The following GFI1 variants were observed in gnomAD, a reference collection of about 807,000 sequenced individuals.
The protein encoded by GFI1 is growth factor independent 1 transcriptional repressor.
GFI1 carries 15 observed loss-of-function variants against 39.2 expected under a neutral mutation model. The observed-to-expected ratio is 0.38, with a 90% CI of 0.26 to 0.59. The LOEUF (loss-of-function observed/expected upper bound fraction) is 0.59. GFI1 is among the 20% of genes least tolerant of loss of function. The pLI is 0.62. For synonymous variants in GFI1, 239 were observed against 254.3 expected, an observed-to-expected ratio of 0.94 and a Z score of 0.57; for missense variants, 475 against 574.0, an observed-to-expected ratio of 0.83 and a Z score of 1.76.
Position 92,482,722 on chromosome 1 carries a change from T to C in GFI1, c.298+142A>G. 1.4e-6 allele frequency: 1 copy of C among 720,130 alleles called. No homozygotes were observed. Among genetic ancestry groups the C allele is most frequent in the Non-Finnish European group, 2.5e-6 (1 of 406,150 alleles). The allele number at this position is 720,130 out of a possible 1,614,324, so 44.6% of individuals were successfully genotyped here. On this transcript the variant is annotated intron_variant, in intron 3 of 6. Coordinates refer to ENST00000294702, the MANE Select transcript of GFI1 (RefSeq NM_005263.5). This position sits in a 1 kb window ranked among gnomAD's most constrained non-coding sequence, Gnocchi z 4.4. ...GTCCCAGAGAAGCCGGATGCCTCCT[T>C]CCCCTACGAATCAGCTCCCTTCTCC...
rs377054700 is a variant in GFI1 at position 92,481,140 on chromosome 1, G to T, written c.299-52C>A. 1.5e-5 allele frequency: 22 copies of T among 1,505,286 alleles called. No individual in the cohort carries two copies. In the African/African-American group the frequency reaches 2.9e-4, roughly 20 times the overall value. 93.2% of individuals were successfully genotyped at this position (1,505,286 alleles called of 1,614,324 possible). ...GTCAGGCTTCAGACGGCAGAGCGGA[G>T]GCCGCCGGGCTGCGGCTGCGAGCGT... On this transcript the variant is annotated intron_variant, in intron 3 of 6. Transcript: ENST00000294702. This position sits in a 1 kb window ranked among gnomAD's most constrained non-coding sequence, Gnocchi z 4.3.
Position 92,481,424 on chromosome 1 carries a change from G to C in GFI1, c.299-336C>G, listed in dbSNP as rs1013064818. ...ACCTGGAGATCCTACAGGGAAGGGC[G>C]CATCTATAAATGCCCGTAGTTGAGC... On this transcript the variant is annotated intron_variant, in intron 3 of 6. Coordinates refer to ENST00000294702, the MANE Select transcript of GFI1 (RefSeq NM_005263.5). This position sits in a 1 kb window ranked among gnomAD's most constrained non-coding sequence, Gnocchi z 4.3. Among the ~76,000 whole-genome samples the C allele has an allele frequency of 2.0e-5, 3 of 152,224 alleles. No homozygotes were observed. The highest frequency in any genetic ancestry group is 4.4e-5 in the Non-Finnish European group (3 of 68,032).
chr1:92,478,610 C>T lies in GFI1; in HGVS notation c.1068G>A (p.Lys356=). The change falls in exon 6 of 7, where the codon AAG becomes AAA. Residue 356 remains lysine, a synonymous_variant. Coordinates refer to ENST00000294702, the MANE Select transcript of GFI1 (RefSeq NM_005263.5). ...CACCAGTGTGGATGAAAGTGTGTTTCTTCATGTCTGACTTCTGGTGGAACC... is the reference window on the plus strand; with the variant it reads ...CACCAGTGTGGATGAAAGTGTGTTTTTTCATGTCTGACTTCTGGTGGAACC... The part of the protein sequence containing the change: ...GKRFHQKSDM[K]KHTFIHTGEK... The T allele has an allele frequency of 6.2e-7, 1 of 1,614,116 alleles. No individual in the cohort carries two copies. The highest frequency in any genetic ancestry group is 8.5e-7 in the Non-Finnish European group (1 of 1,180,008).
rs768063684 is a variant in GFI1, at chr1:92,480,994, G to A, written c.393C>T (p.Asp131=). The change falls in exon 4 of 7, where the codon GAC becomes GAT. Residue 131 remains aspartate, a synonymous_variant. Transcript: ENST00000294702. This position sits in a 1 kb window ranked among gnomAD's most constrained non-coding sequence, Gnocchi z 5.6. ...PYSWSGLAGS[D]LRHLVQSYRP... ...GGTAGCTCTGCACCAGGTGCCGCAGGTCAGAACCCGCCAGGCCGCTCCATG... is the reference window on the plus strand; with the variant it reads ...GGTAGCTCTGCACCAGGTGCCGCAGATCAGAACCCGCCAGGCCGCTCCATG... 17 of 1,608,804 alleles carry A rather than the reference G, an allele frequency of 1.1e-5. No individual in the cohort carries two copies. The highest frequency in any genetic ancestry group is 4.2e-6 in the Non-Finnish European group (5 of 1,178,144).
At position 92,482,851 on chromosome 1, in the gene GFI1, A is replaced by C; in HGVS notation, c.298+13T>G. The C allele has an allele frequency of 5.0e-6, 8 of 1,610,930 alleles. No individual in the cohort carries two copies. The highest frequency in any genetic ancestry group is 6.8e-6 in the Non-Finnish European group (8 of 1,177,214). On this transcript the variant is annotated intron_variant, in intron 3 of 6. Transcript: ENST00000294702. The surrounding 1 kb of genome is among the most constrained non-coding windows in gnomAD (Gnocchi z 4.4). The stretch of plus-strand genomic sequence containing the variant: ...TGCAGCTCCCGCCCAAGAGGTTCCC[A>C]GTGGGTTCCTACCTGGAGACGCGGA...
In GFI1 at chr1:92,480,862, G is replaced by A. The variant is rs1658209207; in HGVS notation, c.525C>T (p.Gly175=). ...AALYGPKRAA[G]GAGAGAPGSC... ...TCCCTGGCGCCCCGGCCCCCGCGCCGCCGGCAGCCCGCTTCGGGCCGTACA... is the reference window on the plus strand; with the variant it reads ...TCCCTGGCGCCCCGGCCCCCGCGCCACCGGCAGCCCGCTTCGGGCCGTACA... Residue 175 remains glycine (G), a synonymous_variant, in exon 4 of 7, where the codon GGC becomes GGT. Coordinates refer to ENST00000294702, the MANE Select transcript of GFI1 (RefSeq NM_005263.5). This position sits in a 1 kb window ranked among gnomAD's most constrained non-coding sequence, Gnocchi z 5.6. 8 of 1,458,922 alleles carry A rather than the reference G, an allele frequency of 5.5e-6. No individual in the cohort carries two copies. Among genetic ancestry groups the A allele is most frequent in the Non-Finnish European group, 7.2e-6 (8 of 1,111,054 alleles). The allele number at this position is 1,458,922 out of a possible 1,614,324, so 90.4% of individuals were successfully genotyped here.
chr1:92,482,886 G>A lies in GFI1; in HGVS notation c.276C>T (p.Pro92=), dbSNP rs778939406. ...RSSEFEDFWR[P]PSPSASPASE... ...TACCTGGAGACGCGGAGGGTGACGGGGGCCTCCAGAAGTCCTCAAACTCCG... is the reference window on the plus strand; with the variant it reads ...TACCTGGAGACGCGGAGGGTGACGGAGGCCTCCAGAAGTCCTCAAACTCCG... Residue 92 remains proline, a synonymous_variant, in exon 3 of 7, where the codon CCC becomes CCT. Transcript: ENST00000294702. This position sits in a 1 kb window ranked among gnomAD's most constrained non-coding sequence, Gnocchi z 4.4. The A allele has an allele frequency of 2.5e-6, 4 of 1,614,064 alleles. No individual in the cohort carries two copies. The highest frequency in any genetic ancestry group is 3.4e-6 in the Non-Finnish European group (4 of 1,179,970).
rs6676141 is a variant in GFI1, at chr1:92,473,660, T to C, written c.*2369A>G. On this transcript the variant is annotated 3_prime_UTR_variant, in exon 7 of 7. Coordinates refer to ENST00000294702, the MANE Select transcript of GFI1 (RefSeq NM_005263.5). ...GAAAAGCAGCATTCAAGCCCCCCTTTCCTGCCAACCTGGAGAGAAAGTCGT... is the reference window on the plus strand; with the variant it reads ...GAAAAGCAGCATTCAAGCCCCCCTTCCCTGCCAACCTGGAGAGAAAGTCGT... 0.23 allele frequency among the ~76,000 whole-genome samples: 35,142 copies of C among 152,062 alleles called. 4,730 individuals carry two copies. Among genetic ancestry groups the C allele is most frequent in the African/African-American group, 0.36 (14,891 of 41,452 alleles).
chr1:92,485,154 C>T (rs72722444), intron 1 of GFI1, among the ~76,000 whole-genome samples: 1,625 of 152,282 alleles, frequency 0.011, 16 homozygotes, highest in Non-Finnish European at 0.014. Context: ...GGGGCTCCCG[C>T]GAAGTTTCCC....
At position 92,480,654 on chromosome 1, in the gene GFI1, A is replaced by C. The variant is rs775151292; in HGVS notation, c.733T>G (p.Cys245Gly). The part of the protein sequence containing the change: ...AGVKVESELL[C>G]TRLLLGGGSY... Reference sequence around the variant, plus strand: ...CCGCCGCCCAGCAGCAGGCGGGTGCACAGCAGCTCCGACTCCACCTTGACG... The same window carrying C: ...CCGCCGCCCAGCAGCAGGCGGGTGCCCAGCAGCTCCGACTCCACCTTGACG... Residue 245 changes from cysteine to glycine, a missense_variant, in exon 4 of 7, where the codon TGC (cysteine) becomes GGC (glycine). By Grantham distance (159) the Cys-to-Gly change is radical (BLOSUM62 -3). Coordinates refer to ENST00000294702, the MANE Select transcript of GFI1 (RefSeq NM_005263.5). The surrounding 1 kb of genome is among the most constrained non-coding windows in gnomAD (Gnocchi z 5.6). The C allele has an allele frequency of 1.9e-6, 3 of 1,592,980 alleles. No homozygotes were observed. Among genetic ancestry groups the C allele is most frequent in the Non-Finnish European group, 2.6e-6 (3 of 1,176,344 alleles).
At position 92,480,988 on chromosome 1, in the gene GFI1, C is replaced by T. The variant is rs762096341; in HGVS notation, c.399G>A (p.Arg133=). ...SWSGLAGSDL[R]HLVQSYRPCG... ...ACGGTCGGTAGCTCTGCACCAGGTG[C>T]CGCAGGTCAGAACCCGCCAGGCCGC... The change falls in exon 4 of 7, where the codon CGG becomes CGA. Residue 133 remains arginine (R), a synonymous_variant. Transcript: ENST00000294702. The surrounding 1 kb of genome is among the most constrained non-coding windows in gnomAD (Gnocchi z 5.6). 11 of 1,607,304 alleles carry T rather than the reference C, an allele frequency of 6.8e-6. No homozygotes were observed. Among genetic ancestry groups the T allele is most frequent in the South Asian group, 1.1e-5 (1 of 90,082 alleles).
In GFI1 at chr1:92,480,410, T is replaced by C. The variant is rs1658169526; in HGVS notation, c.862A>G (p.Met288Val). The C allele has an allele frequency of 6.5e-7, 1 of 1,550,324 alleles. No individual in the cohort carries two copies. The highest frequency in any genetic ancestry group is 8.7e-7 in the Non-Finnish European group (1 of 1,146,646). Residue 288 changes from methionine (M) to valine (V), a missense_variant, in exon 5 of 7, where the codon ATG (methionine) becomes GTG (valine). Physicochemically the swap from Met to Val is conservative, Grantham distance 21. Coordinates refer to ENST00000294702, the MANE Select transcript of GFI1 (RefSeq NM_005263.5). This position sits in a 1 kb window ranked among gnomAD's most constrained non-coding sequence, Gnocchi z 5.6. ...GCGTGCCCGAAGGTCTTGCCGCACA[T>C]CTCGCAGGCAAAGGGTCTGGTACCG... ...HSGTRPFACE[M>V]CGKTFGHAVS... is the part of the protein sequence containing the mutation.
intron 5 of GFI1, among the ~76,000 whole-genome samples, chr1:92,479,334 AGT>A (rs1234098830): frequency 6.6e-6 from 1 of 152,088 alleles, no homozygotes; most frequent in Non-Finnish European, 1.5e-5. Context: ...CCCCCCAGCC[AGT>A]GTGGGTGCTG....
rs1436075145 is a variant in GFI1, at chr1:92,473,900, C to T, written c.*2129G>A. Among the ~76,000 whole-genome samples, 1 of 152,228 alleles carries T rather than the reference C, an allele frequency of 6.6e-6. No individual in the cohort carries two copies. The highest frequency in any genetic ancestry group is 2.4e-5 in the African/African-American group (1 of 41,456). On this transcript the variant is annotated 3_prime_UTR_variant, in exon 7 of 7. Coordinates refer to ENST00000294702, the MANE Select transcript of GFI1 (RefSeq NM_005263.5). ...AAATAAAGCTTCGTAAGACATTGTCCTCACTGCTATATCTCCACCCCCTAG... is the reference window on the plus strand; with the variant it reads ...AAATAAAGCTTCGTAAGACATTGTCTTCACTGCTATATCTCCACCCCCTAG...
At chr1:92,478,792 A>T in intron 5 of GFI1, 39 bp from the exon 6 acceptor site, 1 of 1,579,922 alleles carries the variant, frequency 6.3e-7, no homozygotes. Context: ...AGAGAGAGAG[A>T]GATGCAGAAC....
rs553629905 is a variant in GFI1 at position 92,476,200 on chromosome 1, C to T, written c.1098G>A (p.Lys366=). 6.2e-7 allele frequency: 1 copy of T among 1,612,656 alleles called. No individual in the cohort carries two copies. Among genetic ancestry groups the T allele is most frequent in the South Asian group, 1.1e-5 (1 of 90,698 alleles). Residue 366 remains lysine, a synonymous_variant, in exon 7 of 7, where the codon AAG becomes AAA. Coordinates refer to ENST00000294702, the MANE Select transcript of GFI1 (RefSeq NM_005263.5). Reference sequence around the variant, plus strand: ...TGCCGCACACCTGGCACTTGTGAGGCTTCTCACCTGTGGGGATGGGAGGGG... The same window carrying T: ...TGCCGCACACCTGGCACTTGTGAGGTTTCTCACCTGTGGGGATGGGAGGGG... The part of the protein sequence containing the change: ...KKHTFIHTGE[K]PHKCQVCGKA...
chr1:92,480,440 G>C lies in GFI1; in HGVS notation c.832C>G (p.His278Asp). The C allele has an allele frequency of 6.4e-7, 1 of 1,550,418 alleles. No individual in the cohort carries two copies. Among genetic ancestry groups the C allele is most frequent in the Non-Finnish European group, 8.7e-7 (1 of 1,146,668 alleles). The change falls in exon 5 of 7, where the codon CAC (histidine) becomes GAC (aspartate). Residue 278 changes from histidine to aspartate, a missense_variant. This residue lies in a region of GFI1 where 112 missense variants were observed against 202.8 expected (regional missense o/e 0.55). Coordinates refer to ENST00000294702, the MANE Select transcript of GFI1 (RefSeq NM_005263.5). The surrounding 1 kb of genome is among the most constrained non-coding windows in gnomAD (Gnocchi z 5.6). Reference protein sequence around the residue: ...HGLEVHVRRSHSGTRPFACEM... With the variant: ...HGLEVHVRRSDSGTRPFACEM... ...CAGGCAAAGGGTCTGGTACCGCTGTGGGACCTGCGCACGTGCACCTCGAGC... is the reference window on the plus strand; with the variant it reads ...CAGGCAAAGGGTCTGGTACCGCTGTCGGACCTGCGCACGTGCACCTCGAGC...
chr1:92,476,739 A>G (rs751147332), intron 6 of GFI1, among the ~76,000 whole-genome samples: 6 of 152,066 alleles, frequency 3.9e-5, no homozygotes, highest in Non-Finnish European at 5.9e-5. Context: ...ACATCTTAAC[A>G]TGGACTTTCT....
intron 5 of GFI1, among the ~76,000 whole-genome samples, chr1:92,479,470 A>G (rs1252428003): frequency 6.6e-6 from 1 of 152,228 alleles, no homozygotes; most frequent in Non-Finnish European, 1.5e-5. Context: ...TCATGTGGGC[A>G]TGCTGTCAAG....
Sources: allele counts gnomAD v4.1 joint callset (sites outside exome capture counted in the v4.1 genomes callset), GRCh38; gene constraint gnomAD v4.1.1; regional missense constraint gnomAD v4.1.1; non-coding constraint Gnocchi (gnomAD v3.1); transcripts MANE v1.5; gene names NCBI Gene and HGNC (gene_info 2026-07-23, HGNC 2026-07-21).